The following KLRG2 variants were observed in gnomAD, a reference collection of about 807,000 sequenced individuals.
KLRG2 encodes killer cell lectin like receptor G2.
A neutral mutation model predicts 35.4 loss-of-function variants in KLRG2; 39 were observed. The observed-to-expected ratio is 1.10, with a 90% CI of 0.85 to 1.44. The LOEUF is 1.44. KLRG2 is among the 40% of genes most tolerant of loss of function. The pLI is 0.00. For synonymous variants in KLRG2, 283 were observed against 265.8 expected (o/e 1.06, Z -0.63); for missense variants, 632 against 570.9 (o/e 1.11, Z -1.09).
At chr7:139,459,974 T>G (rs957268610) in intron 3 of KLRG2, among the ~76,000 whole-genome samples, 15 of 152,086 alleles carry the variant, frequency 9.9e-5, no homozygotes, top group Admixed American at 7.2e-4. Flanking sequence ...ATGGTCTTGA[T>G]CTCTTGACCT....
In KLRG2 at chr7:139,482,970, C is replaced by T. The variant is rs1037728694; in HGVS notation, c.673G>A (p.Gly225Arg). ...AGCGCCGCATCCTCCTTCTCCAGCC[C>T]CAGCTCCTTGCAGCGGCAGCACGTG... ...SPTCCRCKELGLEKEDAALLP... is the reference protein window; with the variant it reads ...SPTCCRCKELRLEKEDAALLP... The change falls in exon 1 of 5, where the codon GGG becomes AGG. Residue 225 changes from glycine (G) to arginine (R), a missense_variant. By Grantham distance (125) the Gly-to-Arg change is moderately radical. Transcript: ENST00000340940. The T allele has an allele frequency of 7.0e-7, 1 of 1,437,002 alleles. No homozygotes were observed. The highest frequency in any genetic ancestry group is 1.5e-5 in the South Asian group (1 of 68,660). The allele number at this position is 1,437,002 out of a possible 1,614,324, so 89.0% of individuals were successfully genotyped here.
chr7:139,467,299 T>TTC (rs986792389), intron 3 of KLRG2, among the ~76,000 whole-genome samples: 2 of 152,176 alleles, frequency 1.3e-5, no homozygotes, highest in East Asian at 3.8e-4. Context: ...ATGTCAGGCC[T>TTC]CTGAGCCCAA....
rs1017510924 is a variant in KLRG2 at position 139,482,887 on chromosome 7, C to G, written c.756G>C (p.Thr252=). The G allele has an allele frequency of 5.4e-6, 8 of 1,469,836 alleles. No homozygotes were observed. Among genetic ancestry groups the G allele is most frequent in the Non-Finnish European group, 7.1e-6 (8 of 1,122,370 alleles). 91.0% of individuals were successfully genotyped at this position (1,469,836 alleles called of 1,614,324 possible). A position where few individuals can be genotyped will look rare whatever the true frequency, so the allele number is the denominator to read the frequency against. ...CTGCCGGCGCAGGTGAGCACTCACC[C>G]GTAAGCGTTACGGCCCGGGGCAGCT... The part of the protein sequence containing the change: ...DEKLPRAVTL[T]GLPMYVKSLY... The change falls in exon 1 of 5, where the codon ACG becomes ACC. Residue 252 remains threonine, a splice_region_variant and synonymous_variant. Transcript: ENST00000340940.
At position 139,463,632 on chromosome 7, in the gene KLRG2, C is replaced by T. The variant is rs143313492; in HGVS notation, c.1006-9418G>A. ...CCAGGATTCCTCCTAAGCCGTGTCC[C>T]ATGTGTATGGGACCCCACTGGAAAT... On this transcript the variant is annotated intron_variant, in intron 3 of 4. Transcript: ENST00000340940. Among the ~76,000 whole-genome samples, 435 of 152,322 alleles carry T rather than the reference C, an allele frequency of 2.9e-3. 3 individuals carry two copies. The highest frequency in any genetic ancestry group is 9.7e-3 in the African/African-American group (403 of 41,570).
chr7:139,483,241 G>T lies in KLRG2; in HGVS notation c.402C>A (p.Gly134=). ...LQVDVRVKPV[G]AAGGSSTPSP... ...ATGGCGTGCTGCTGCCACCGGCCGC[G>T]CCCACGGGCTTCACGCGCACATCTA... The change falls in exon 1 of 5, where the codon GGC becomes GGA. Residue 134 remains glycine, a synonymous_variant. Coordinates refer to ENST00000340940, the MANE Select transcript of KLRG2 (RefSeq NM_198508.4). The T allele has an allele frequency of 6.5e-7, 1 of 1,546,202 alleles. No individual in the cohort carries two copies. Among genetic ancestry groups the T allele is most frequent in the Non-Finnish European group, 8.6e-7 (1 of 1,157,352 alleles).
At chr7:139,441,604 T>G in the KLRG2 span, among the ~76,000 whole-genome samples, 1 of 151,434 alleles carries the variant, frequency 6.6e-6, no homozygotes, top group South Asian at 2.1e-4. Flanking sequence ...ACCCCAGAAC[T>G]TAAAGTATAA....
At chr7:139,457,470 T>C (rs952423644) in intron 3 of KLRG2, among the ~76,000 whole-genome samples, 2 of 152,134 alleles carry the variant, frequency 1.3e-5, no homozygotes, top group African/African-American at 2.4e-5. Flanking sequence ...TCAGAGCCGC[T>C]GTGTGGTCGT....
the KLRG2 span, among the ~76,000 whole-genome samples, chr7:139,445,678 G>A: frequency 1.6e-3 from 244 of 149,510 alleles, no homozygotes; most frequent in African/African-American, 6.0e-3. Context: ...CAGATGGATC[G>A]AGGGTTCTTA....
At chr7:139,457,440 T>C (rs1188955833) in intron 3 of KLRG2, among the ~76,000 whole-genome samples, 1 of 152,164 alleles carries the variant, frequency 6.6e-6, no homozygotes, top group East Asian at 1.9e-4. Context: ...CACATGACCT[T>C]AGACAAGTTA....
At chr7:139,454,309 G>A in intron 3 of KLRG2, 95 bp from the exon 4 acceptor site, 1 of 687,522 alleles carries the variant, frequency 1.5e-6, no homozygotes, top group Non-Finnish European at 2.5e-6. Flanking sequence ...GATCCCAGCT[G>A]GCCAATCCAG....
the KLRG2 span, among the ~76,000 whole-genome samples, chr7:139,443,022 C>T: frequency 6.6e-6 from 1 of 151,212 alleles, no homozygotes; most frequent in Non-Finnish European, 1.5e-5. Flanking sequence ...ACATGAAGAT[C>T]CAAGAAGTAC....
At chr7:139,429,352 G>A in the KLRG2 span, among the ~76,000 whole-genome samples, 8 of 151,734 alleles carry the variant, frequency 5.3e-5, no homozygotes, top group Non-Finnish European at 1.0e-4. Context: ...CTTTTCTGGA[G>A]GCCATATATA....
chr7:139,475,791 A>G (rs1299408211), intron 3 of KLRG2, among the ~76,000 whole-genome samples: 2 of 152,226 alleles, frequency 1.3e-5, no homozygotes, highest in African/African-American at 4.8e-5. Context: ...CCAGCCACTC[A>G]GAAGTTCCAG....
chr7:139,446,958 A>C, the KLRG2 span, among the ~76,000 whole-genome samples: 1 of 152,158 alleles, frequency 6.6e-6, no homozygotes, highest in African/African-American at 2.4e-5. Context: ...AAATTAATTA[A>C]TTTAAAAAGA....
At chr7:139,455,320 G>T (rs865986346) in intron 3 of KLRG2, among the ~76,000 whole-genome samples, 2 of 142,610 alleles carry the variant, frequency 1.4e-5, no homozygotes, top group East Asian at 2.1e-4. Context: ...ACCCGGCCAA[G>T]ATTTTTTTTT....
chr7:139,470,957 C>T (rs1287344607), intron 3 of KLRG2, among the ~76,000 whole-genome samples: 1 of 151,860 alleles, frequency 6.6e-6, no homozygotes, highest in East Asian at 1.9e-4. Context: ...ATTCTCCTGC[C>T]TCAGTCTCCT....
At chr7:139,451,750 C>T (rs905345032), downstream of KLRG2, among the ~76,000 whole-genome samples, 1 of 152,088 alleles carries the variant, frequency 6.6e-6, no homozygotes, top group African/African-American at 2.4e-5. Context: ...GAGTACAACA[C>T]TTCCCTTCTC....
chr7:139,427,689 A>C, the KLRG2 span, among the ~76,000 whole-genome samples: 1 of 152,100 alleles, frequency 6.6e-6, no homozygotes, highest in Admixed American at 6.5e-5. Flanking sequence ...ATGAAGAGAA[A>C]CCATTTCATC....
chr7:139,457,711 C>T (rs1457209172), intron 3 of KLRG2, among the ~76,000 whole-genome samples: 1 of 152,190 alleles, frequency 6.6e-6, no homozygotes, highest in Non-Finnish European at 1.5e-5. Context: ...CCCTCTGGGC[C>T]TCCTGGTGAC....
Sources: gnomAD v4.1 joint callset for allele counts (sites outside exome capture counted in the v4.1 genomes callset) on GRCh38, gnomAD v4.1.1 for gene constraint, MANE v1.5 for transcripts, NCBI Gene and HGNC (gene_info 2026-07-23, HGNC 2026-07-21) for gene names.